Variants in CLCN6 observed in about 807,000 individuals in gnomAD.
CLCN6 encodes the protein Cl-/H+ antiporter 6.
A neutral mutation model predicts 109.8 loss-of-function variants in CLCN6; 70 were observed. That is an observed-to-expected ratio of 0.64 (90% CI 0.53 to 0.78). CLCN6 has a LOEUF of 0.78. CLCN6 is among the 30% of genes least tolerant of loss of function. The pLI is 0.00. For synonymous variants in CLCN6, 444 were observed against 447.8 expected (o/e 0.99, Z 0.11); for missense variants, 984 against 1,142.3 (o/e 0.86, Z 2.00).
intron 2 of CLCN6, among the ~76,000 whole-genome samples, chr1:11,808,778 A>G (rs184522813): frequency 1.1e-4 from 16 of 151,876 alleles, no homozygotes; most frequent in African/African-American, 3.9e-4. Context: ...GTATAGTTTA[A>G]TATGCTACTC....
chr1:11,823,862 A>G, intron 7 of CLCN6, 29 bp downstream of exon 7: 3 of 1,612,600 alleles, frequency 1.9e-6, no homozygotes, highest in Admixed American at 1.7e-5. Flanking sequence ...GTATCCTTCA[A>G]ATACTCAAAG....
At chr1:11,812,699 T>A (rs2100608667) in intron 2 of CLCN6, among the ~76,000 whole-genome samples, 1 of 150,824 alleles carries the variant, frequency 6.6e-6, no homozygotes, top group East Asian at 2.0e-4. Flanking sequence ...TGTGTGTGTG[T>A]GTGTGTGTGT....
intron 3 of CLCN6, among the ~76,000 whole-genome samples, chr1:11,816,314 A>G (rs1644671123): frequency 6.6e-6 from 1 of 152,116 alleles, no homozygotes; most frequent in African/African-American, 2.4e-5. Flanking sequence ...CTTTATTGTG[A>G]TATTTGCTTT....
Position 11,824,468 on chromosome 1 carries a change from CT to C in CLCN6, c.581-13del. The stretch of plus-strand genomic sequence containing the variant: ...TTTCTGCACTGACTGTTGGTCTTTC[CT>C]TTTTCACCCTGCCCAGGGCTCTTCG... On this transcript the variant is annotated splice_polypyrimidine_tract_variant and intron_variant, in intron 7 of 22. Coordinates refer to ENST00000346436, the MANE Select transcript of CLCN6 (RefSeq NM_001286.5). 1.9e-6 allele frequency: 3 copies of C among 1,608,826 alleles called. No homozygotes were observed. The highest frequency in any genetic ancestry group is 2.5e-6 in the Non-Finnish European group (3 of 1,176,886).
chr1:11,806,699 A>T, intron 1 of CLCN6: 1 of 359,962 alleles, frequency 2.8e-6, no homozygotes, highest in Non-Finnish European at 5.0e-6. Context: ...TAGCTTCTCC[A>T]GTCCTTTCTC....
Position 11,827,237 on chromosome 1 carries a change from A to G in CLCN6, c.840+16A>G. On this transcript the variant is annotated intron_variant, in intron 10 of 22. Transcript: ENST00000346436. ...GTGGAAAGTGGTGAGGAGGACCTTC[A>G]GTGAAAGCATTAACCACACCCCCCG... 6.2e-7 allele frequency: 1 copy of G among 1,606,296 alleles called. No individual in the cohort carries two copies. The highest frequency in any genetic ancestry group is 8.5e-7 in the Non-Finnish European group (1 of 1,175,268).
At chr1:11,806,516 A>T in intron 1 of CLCN6, 167 bp downstream of exon 1, 1 of 526,452 alleles carries the variant, frequency 1.9e-6, no homozygotes, top group Non-Finnish European at 3.2e-6. Context: ...CACGTGCCTA[A>T]GTCTGGGGTC....
At chr1:11,830,827 A>G (rs894361987) in intron 13 of CLCN6, among the ~76,000 whole-genome samples, 4 of 114,078 alleles carry the variant, frequency 3.5e-5, no homozygotes, top group Non-Finnish European at 7.3e-5. Context: ...CACACATTAT[A>G]TATTTCTGTT....
intron 6 of CLCN6, among the ~76,000 whole-genome samples, chr1:11,823,264 C>G (rs1644768574): frequency 1.3e-5 from 2 of 152,134 alleles, no homozygotes; most frequent in African/African-American, 4.8e-5. Context: ...TGAGACCATT[C>G]TGACCAGTGT....
chr1:11,814,950 G>A (rs1644650254), intron 2 of CLCN6, among the ~76,000 whole-genome samples: 1 of 151,290 alleles, frequency 6.6e-6, no homozygotes, highest in South Asian at 2.1e-4. Context: ...GGAGAATGGT[G>A]TGAACCCGGG....
chr1:11,819,350 C>T, intron 4 of CLCN6, 138 bp from the exon 5 acceptor site: 3 of 758,288 alleles, frequency 4.0e-6, no homozygotes, highest in Admixed American at 3.7e-5. Flanking sequence ...TTCTGCTGTG[C>T]ATTCACGTAC....
chr1:11,826,966 C>T, intron 9 of CLCN6, 123 bp from the exon 10 acceptor site: 1 of 1,273,502 alleles, frequency 7.9e-7, no homozygotes, highest in Non-Finnish European at 1.1e-6. Context: ...GTGACCTGCC[C>T]TTCCAGGATC....
chr1:11,808,457 T>A (rs1644553869), intron 2 of CLCN6, among the ~76,000 whole-genome samples: 1 of 152,150 alleles, frequency 6.6e-6, no homozygotes, highest in Admixed American at 6.6e-5. Context: ...TAATTCTATA[T>A]GCATCTCTAA....
intron 10 of CLCN6, 89 bp from the exon 11 acceptor site, chr1:11,828,017 G>GT (rs910555627): frequency 1.1e-6 from 1 of 950,082 alleles, no homozygotes; most frequent in African/African-American, 1.6e-5. Context: ...AGGTCTCTGC[G>GT]TAGAGCAGTG....
At position 11,815,905 on chromosome 1, in the gene CLCN6, T is replaced by C; in HGVS notation, c.207T>C (p.Asp69=). 1 of 1,610,014 alleles carries C rather than the reference T, an allele frequency of 6.2e-7. No homozygotes were observed. The highest frequency in any genetic ancestry group is 8.5e-7 in the Non-Finnish European group (1 of 1,176,184). Residue 69 remains aspartate (D), a synonymous_variant, in exon 3 of 23, where the codon GAT becomes GAC. Coordinates refer to ENST00000346436, the MANE Select transcript of CLCN6 (RefSeq NM_001286.5). ...DPYLEVLETM[D]NKKGRRYEAV... is the part of the protein sequence containing the mutation. ...ACCTGGAAGTTTTGGAGACCATGGA[T>C]AATAAGGTGGGTCTTACAATTCTTC... is the stretch of plus-strand genomic sequence containing the variant.
At chr1:11,827,539 G>A (rs1042031376) in intron 10 of CLCN6, among the ~76,000 whole-genome samples, 9 of 148,930 alleles carry the variant, frequency 6.0e-5, no homozygotes, top group Non-Finnish European at 1.2e-4. Flanking sequence ...GGATTCAAGC[G>A]ATTCTCCTGC....
rs779197982 is a variant in CLCN6 at position 11,824,557 on chromosome 1, A to C, written c.648+4A>C. The C allele has an allele frequency of 9.3e-6, 15 of 1,613,082 alleles. No homozygotes were observed. The highest frequency in any genetic ancestry group is 1.3e-5 in the Non-Finnish European group (15 of 1,179,418). On this transcript the variant is annotated splice_donor_region_variant and intron_variant, in intron 8 of 22. Transcript: ENST00000346436. ...GGTGGGAGCTGGCCTCCCTCAGGTA[A>C]GATGGGCTGAGAGGGTGTGGGCCTC...
At chr1:11,836,487 G>A (rs1234445717) in intron 18 of CLCN6, among the ~76,000 whole-genome samples, 1 of 152,186 alleles carries the variant, frequency 6.6e-6, no homozygotes, top group Non-Finnish European at 1.5e-5. Context: ...CCTTAAGAAA[G>A]AGAAAGAAAT....
At position 11,811,570 on chromosome 1, in the gene CLCN6, C is replaced by T. The variant is rs539648860; in HGVS notation, c.148-4276C>T. On this transcript the variant is annotated intron_variant, in intron 2 of 22. Coordinates refer to ENST00000346436, the MANE Select transcript of CLCN6 (RefSeq NM_001286.5). ...GCTAATTTTGTATTTTTAGTAGAGACGAGGCTTCTCCATGTTGGTCAGGCT... is the reference window on the plus strand; with the variant it reads ...GCTAATTTTGTATTTTTAGTAGAGATGAGGCTTCTCCATGTTGGTCAGGCT... Among the ~76,000 whole-genome samples, 13 of 152,170 alleles carry T rather than the reference C, an allele frequency of 8.5e-5. No individual in the cohort carries two copies. The South Asian group carries it at 2.1e-3, about 24-fold the overall frequency.
Sources: gnomAD v4.1 joint callset for allele counts (sites outside exome capture counted in the v4.1 genomes callset) on GRCh38, gnomAD v4.1.1 for gene constraint, MANE v1.5 for transcripts, NCBI Gene and HGNC (gene_info 2026-07-23, HGNC 2026-07-21) for gene names.